Variants in MYO5B observed in about 807,000 individuals in gnomAD.
MYO5B encodes unconventional myosin-Vb.
Under a neutral mutation model 229.3 loss-of-function variants are expected in MYO5B, and 143 were observed. The ratio of observed to expected loss-of-function variants is 0.62; its 90% CI spans 0.54 to 0.72. The LOEUF is 0.72. MYO5B is among the 30% of genes least tolerant of loss of function. The pLI is 0.00. For missense variants in MYO5B, 2,321 were observed against 2,331.0 expected (o/e 1.00, Z 0.09); for synonymous variants, 918 against 885.2 (o/e 1.04, Z -0.66).
Position 49,882,971 on chromosome 18 carries a change from T to C in MYO5B, c.3046-2516A>G, listed in dbSNP as rs541352616. 6.6e-5 allele frequency among the ~76,000 whole-genome samples: 10 copies of C among 152,276 alleles called. No homozygotes were observed. The South Asian group carries it at 1.7e-3, about 25-fold the overall frequency. ...GCCCAGTATCTCTTATGAACATAGA[T>C]TCAAAAATCCTCAACTAAATACTAG... On this transcript the variant is annotated intron_variant, in intron 22 of 39. Transcript: ENST00000285039.
chr18:50,134,509 C>T (rs535667020), intron 1 of MYO5B, among the ~76,000 whole-genome samples: 36 of 151,700 alleles, frequency 2.4e-4, no homozygotes, highest in African/African-American at 8.5e-4. Flanking sequence ...GAGCCGAGAT[C>T]GCGCCATTGC....
intron 17 of MYO5B, among the ~76,000 whole-genome samples, chr18:49,913,839 G>C (rs1193644089): frequency 6.6e-6 from 1 of 151,984 alleles, no homozygotes; most frequent in Non-Finnish European, 1.5e-5. Context: ...ATCAGTGGCA[G>C]AACAGCACGA....
chr18:49,882,437 G>A (rs948271476), intron 22 of MYO5B, among the ~76,000 whole-genome samples: 15 of 151,776 alleles, frequency 9.9e-5, no homozygotes, highest in Non-Finnish European at 1.8e-4. Context: ...AGATGATCCT[G>A]GCCAACATGC....
At chr18:49,849,070 C>T (rs1191951618) in intron 32 of MYO5B, among the ~76,000 whole-genome samples, 1 of 151,914 alleles carries the variant, frequency 6.6e-6, no homozygotes, top group Non-Finnish European at 1.5e-5. Context: ...AAGAGTGACA[C>T]AGTGAGATTT....
intron 1 of MYO5B, among the ~76,000 whole-genome samples, chr18:50,139,892 G>C (rs573071833): frequency 6.6e-6 from 1 of 152,240 alleles, no homozygotes; most frequent in South Asian, 2.1e-4. Context: ...TCTACCATCA[G>C]TGTAGTCTAC....
chr18:50,115,547 G>GACACACAC (rs56886992), intron 1 of MYO5B, among the ~76,000 whole-genome samples: 3 of 125,062 alleles, frequency 2.4e-5, no homozygotes, highest in African/African-American at 8.5e-5. Flanking sequence ...CACACAGAGA[G>GACACACAC]ACACACACAC....
intron 16 of MYO5B, among the ~76,000 whole-genome samples, chr18:49,934,539 G>A (rs1466185337): frequency 6.6e-6 from 1 of 152,192 alleles, no homozygotes; most frequent in Non-Finnish European, 1.5e-5. Context: ...GGCCACAGCT[G>A]GTCTGGCCCA....
intron 4 of MYO5B, among the ~76,000 whole-genome samples, chr18:50,020,649 G>T (rs951777710): frequency 6.6e-6 from 1 of 152,352 alleles, no homozygotes; most frequent in Admixed American, 6.5e-5. Flanking sequence ...ACGCAGCAAG[G>T]ATGTGGCTCA....
At chr18:49,827,623 G>A (rs954426967) in intron 39 of MYO5B, among the ~76,000 whole-genome samples, 1 of 152,028 alleles carries the variant, frequency 6.6e-6, no homozygotes, top group Non-Finnish European at 1.5e-5. Context: ...AAATGATCCA[G>A]TCTGAGAAGA....
intron 4 of MYO5B, among the ~76,000 whole-genome samples, chr18:50,028,762 TCC>T (rs1798097918): frequency 6.6e-6 from 1 of 152,180 alleles, no homozygotes; most frequent in Non-Finnish European, 1.5e-5. Context: ...ACAACTAATT[TCC>T]ACCGGGTGAC....
At chr18:50,138,593 A>AATCTCATGCTAAACC (rs1413055761) in intron 1 of MYO5B, among the ~76,000 whole-genome samples, 3 of 152,144 alleles carry the variant, frequency 2.0e-5, no homozygotes, top group East Asian at 3.8e-4. Flanking sequence ...AGCTTGCAGG[A>AATCTCATGCTAAACC]ATCTCATGCT....
At position 49,903,565 on chromosome 18, in the gene MYO5B, A is replaced by G. The variant is rs115990150; in HGVS notation, c.2572-732T>C. Among the ~76,000 whole-genome samples, 446 of 152,124 alleles carry G rather than the reference A, an allele frequency of 2.9e-3. 2 individuals are homozygous for G. The highest frequency in any genetic ancestry group is 0.01 in the African/African-American group (418 of 41,524). On this transcript the variant is annotated intron_variant, in intron 20 of 39. Coordinates refer to ENST00000285039, the MANE Select transcript of MYO5B (RefSeq NM_001080467.3). ...AGAACACTCACAGAACCTTCTCCCA[A>G]TGGCCTGGGTTTCTCTACATACTAC... is the stretch of plus-strand genomic sequence containing the variant.
intron 1 of MYO5B, among the ~76,000 whole-genome samples, chr18:50,112,810 G>C (rs1203218003): frequency 2.0e-5 from 3 of 152,122 alleles, no homozygotes; most frequent in Non-Finnish European, 2.9e-5. Context: ...CCAATTTTCA[G>C]CAGTGTAACA....
At chr18:49,868,439 C>T (rs2024421687) in intron 27 of MYO5B, among the ~76,000 whole-genome samples, 1 of 152,190 alleles carries the variant, frequency 6.6e-6, no homozygotes, top group Non-Finnish European at 1.5e-5. Flanking sequence ...CCAAGCTGGA[C>T]TCTTAGTTCT....
chr18:50,194,797 C>T lies in MYO5B; in HGVS notation c.-4G>A, dbSNP rs2033279387. On this transcript the variant is annotated 5_prime_UTR_variant, in exon 1 of 40. Coordinates refer to ENST00000285039, the MANE Select transcript of MYO5B (RefSeq NM_001080467.3). ...TGTAGAGCTCGCCCACCGACATGGC[C>T]CGGGCCGGGCGGGGCTCGGGCCCCG... is the stretch of plus-strand genomic sequence containing the variant. 1 of 1,378,500 alleles carries T rather than the reference C, an allele frequency of 7.3e-7. No homozygotes were observed. Among genetic ancestry groups the T allele is most frequent in the Non-Finnish European group, 9.4e-7 (1 of 1,068,834 alleles). 85.4% of individuals were successfully genotyped at this position (1,378,500 alleles called of 1,614,324 possible).
chr18:50,184,608 C>A (rs1459902829), intron 1 of MYO5B, among the ~76,000 whole-genome samples: 1 of 152,120 alleles, frequency 6.6e-6, no homozygotes, highest in Non-Finnish European at 1.5e-5. Context: ...ACTCCATAAC[C>A]AGTAGTTGTC....
intron 36 of MYO5B, among the ~76,000 whole-genome samples, chr18:49,838,103 G>GCA (rs936963234): frequency 1.3e-5 from 2 of 152,192 alleles, no homozygotes; most frequent in Non-Finnish European, 2.9e-5. Context: ...TGAGAATTGA[G>GCA]CAACCTGGGT....
intron 1 of MYO5B, among the ~76,000 whole-genome samples, chr18:50,119,446 G>C (rs2032021830): frequency 6.6e-6 from 1 of 152,110 alleles, no homozygotes; most frequent in Non-Finnish European, 1.5e-5. Context: ...AGAGATTGCT[G>C]TCACTGCAAA....
At chr18:50,043,423 A>T (rs1366982153) in intron 2 of MYO5B, among the ~76,000 whole-genome samples, 2 of 119,214 alleles carry the variant, frequency 1.7e-5, no homozygotes, top group East Asian at 4.2e-4. Context: ...ATATTTAAAT[A>T]TATTTAAATA....
Sources: gnomAD v4.1 joint callset for allele counts (sites outside exome capture counted in the v4.1 genomes callset) on GRCh38, gnomAD v4.1.1 for gene constraint, MANE v1.5 for transcripts, NCBI Gene and HGNC (gene_info 2026-07-23, HGNC 2026-07-21) for gene names.